The following CACNG5 variants were observed in gnomAD, a reference collection of about 807,000 sequenced individuals.
The protein encoded by CACNG5 is voltage-dependent calcium channel gamma-5 subunit.
Under a neutral mutation model 24.8 loss-of-function variants are expected in CACNG5, and 18 were observed. The observed-to-expected ratio is 0.73, with a 90% CI of 0.50 to 1.08. CACNG5 has a LOEUF of 1.08. Among genes scored for constraint, CACNG5 ranks in the 50% least tolerant of loss-of-function variants. The pLI, the probability that CACNG5 is intolerant of heterozygous loss-of-function variation, is 0.00. For missense variants in CACNG5, 349 were observed against 367.9 expected (o/e 0.95, Z 0.42); for synonymous variants, 157 against 149.1 (o/e 1.05, Z -0.39).
chr17:66,893,022 G>A lies in CACNG5; in HGVS notation c.*7782G>A, dbSNP rs1464237944. On this transcript the variant is annotated 3_prime_UTR_variant, in exon 6 of 6. Transcript: ENST00000533854. The stretch of plus-strand genomic sequence containing the variant: ...ACATGCATCTAAAGTCCTTATCAGA[G>A]TCCTTGGCACATAATAGGTATTTTG... 6.6e-6 allele frequency among the ~76,000 whole-genome samples: 1 copy of A among 152,154 alleles called. No homozygotes were observed.
chr17:66,856,020 G>A (rs939375201), intron 1 of CACNG5, among the ~76,000 whole-genome samples: 5 of 152,112 alleles, frequency 3.3e-5, no homozygotes, highest in African/African-American at 1.2e-4. Flanking sequence ...CACATTTTCC[G>A]TCAATGACTA....
chr17:66,889,741 G>T lies in CACNG5; in HGVS notation c.*4501G>T, dbSNP rs78318864. On this transcript the variant is annotated 3_prime_UTR_variant, in exon 6 of 6. Coordinates refer to ENST00000533854, the MANE Select transcript of CACNG5 (RefSeq NM_145811.3). ...TTCTATTCAGGCTTTCAGTGCAGTGGTTGAGGCCCACCGACGTTAGAAAAG... is the reference window on the plus strand; with the variant it reads ...TTCTATTCAGGCTTTCAGTGCAGTGTTTGAGGCCCACCGACGTTAGAAAAG... Among the ~76,000 whole-genome samples, 7 of 152,258 alleles carry T rather than the reference G, an allele frequency of 4.6e-5. No individual in the cohort carries two copies. In the East Asian group the frequency reaches 1.4e-3, roughly 29 times the overall value.
chr17:66,852,478 A>G (rs2143050093), intron 1 of CACNG5, among the ~76,000 whole-genome samples: 1 of 152,318 alleles, frequency 6.6e-6, no homozygotes, highest in African/African-American at 2.4e-5. Flanking sequence ...ACAAAAAGAA[A>G]CAGGCCCACA....
chr17:66,871,295 A>C (rs1977003798), intron 1 of CACNG5, among the ~76,000 whole-genome samples: 1 of 152,180 alleles, frequency 6.6e-6, no homozygotes, highest in African/African-American at 2.4e-5. Flanking sequence ...AAGCTTTGTC[A>C]AAAACCCCTA....
At chr17:66,842,928 G>C (rs1976587541) in intron 1 of CACNG5, among the ~76,000 whole-genome samples, 1 of 152,240 alleles carries the variant, frequency 6.6e-6, no homozygotes, top group African/African-American at 2.4e-5. Flanking sequence ...AAGTGGGACA[G>C]ATGGCCTATG....
intron 1 of CACNG5, among the ~76,000 whole-genome samples, chr17:66,839,407 A>G (rs1235615013): frequency 6.6e-6 from 1 of 152,140 alleles, no homozygotes; most frequent in Admixed American, 6.5e-5. Flanking sequence ...CAAGCATTCC[A>G]CAGAGCGAAA....
intron 1 of CACNG5, among the ~76,000 whole-genome samples, chr17:66,850,109 T>C (rs2143044034): frequency 1.3e-5 from 2 of 152,318 alleles, no homozygotes; most frequent in Middle Eastern, 6.8e-3. Context: ...GCCCCTTGGC[T>C]CTCAAAAGCA....
chr17:66,864,557 T>C (rs1355211682), intron 1 of CACNG5, among the ~76,000 whole-genome samples: 1 of 152,248 alleles, frequency 6.6e-6, no homozygotes, highest in Non-Finnish European at 1.5e-5. Context: ...CTGTTTCAAT[T>C]ATTTTCAGCA....
At chr17:66,849,008 G>T (rs915034685) in intron 1 of CACNG5, among the ~76,000 whole-genome samples, 5 of 152,110 alleles carry the variant, frequency 3.3e-5, no homozygotes, top group African/African-American at 9.7e-5. Context: ...CGTGTGCATT[G>T]ATTGAGTGCT....
intron 1 of CACNG5, among the ~76,000 whole-genome samples, chr17:66,848,653 G>C (rs1447704815): frequency 6.6e-6 from 1 of 152,130 alleles, no homozygotes; most frequent in Non-Finnish European, 1.5e-5. Context: ...ATTTTACCTT[G>C]GCAGGGGAGA....
chr17:66,864,135 G>T (rs1378660422), intron 1 of CACNG5, among the ~76,000 whole-genome samples: 1 of 152,142 alleles, frequency 6.6e-6, no homozygotes, highest in African/African-American at 2.4e-5. Flanking sequence ...TTAGAATCCT[G>T]TTGGCAATCT....
chr17:66,860,458 C>T (rs1598052211), intron 1 of CACNG5, among the ~76,000 whole-genome samples: 1 of 152,006 alleles, frequency 6.6e-6, no homozygotes, highest in Admixed American at 6.6e-5. Flanking sequence ...TCATCAAACA[C>T]ACTGGAGTCA....
At chr17:66,866,282 T>A (rs1440347011) in intron 1 of CACNG5, among the ~76,000 whole-genome samples, 2 of 152,124 alleles carry the variant, frequency 1.3e-5, no homozygotes, top group Non-Finnish European at 2.9e-5. Flanking sequence ...GGTCCCTTTT[T>A]AAAATTTTTT....
intron 1 of CACNG5, among the ~76,000 whole-genome samples, chr17:66,837,332 G>C (rs947507360): frequency 2.0e-5 from 3 of 152,218 alleles, no homozygotes; most frequent in Non-Finnish European, 2.9e-5. Context: ...CCCAAAAAGT[G>C]AGGATGGAGG....
At chr17:66,865,685 A>G (rs1976918841) in intron 1 of CACNG5, among the ~76,000 whole-genome samples, 1 of 149,494 alleles carries the variant, frequency 6.7e-6, no homozygotes, top group South Asian at 2.1e-4. Flanking sequence ...GCTGCAGTGT[A>G]GTGGCGCGAT....
At chr17:66,882,283 G>A (rs1175731202) in intron 4 of CACNG5, among the ~76,000 whole-genome samples, 2 of 152,136 alleles carry the variant, frequency 1.3e-5, no homozygotes, top group East Asian at 3.9e-4. Flanking sequence ...ATTGATTCAG[G>A]GATCACAGGA....
rs190675295 is a variant in CACNG5 at position 66,859,391 on chromosome 17, T to A, written c.-103-17839T>A. On this transcript the variant is annotated intron_variant, in intron 1 of 5. Transcript: ENST00000533854. ...AGAGTGTGGTGGAGGGAAGGAGAGG[T>A]TTGGGTATGTGTCCTACATATCATT... 1.8e-4 allele frequency among the ~76,000 whole-genome samples: 28 copies of A among 151,696 alleles called. No homozygotes were observed. In the East Asian group the frequency reaches 4.3e-3, roughly 23 times the overall value.
At chr17:66,864,133 C>T (rs1479302216) in intron 1 of CACNG5, among the ~76,000 whole-genome samples, 2 of 152,138 alleles carry the variant, frequency 1.3e-5, no homozygotes, top group African/African-American at 2.4e-5. Flanking sequence ...TGTTAGAATC[C>T]TGTTGGCAAT....
chr17:66,841,844 G>T (rs989153418), intron 1 of CACNG5, among the ~76,000 whole-genome samples: 2 of 152,192 alleles, frequency 1.3e-5, no homozygotes, highest in African/African-American at 4.8e-5. Flanking sequence ...GTGTTTTATG[G>T]AATTAAACTG....
Sources: allele counts gnomAD v4.1 joint callset (sites outside exome capture counted in the v4.1 genomes callset), GRCh38; gene constraint gnomAD v4.1.1; transcripts MANE v1.5; gene names NCBI Gene and HGNC (gene_info 2026-07-23, HGNC 2026-07-21).